OR2L13: variants seen among roughly 807,000 people sequenced by gnomAD.
The protein encoded by OR2L13 is olfactory receptor family 2 subfamily L member 13.
A neutral mutation model predicts 15.3 loss-of-function variants in OR2L13; 14 were observed. The observed-to-expected ratio is 0.91, with a 90% CI of 0.60 to 1.43. The LOEUF (loss-of-function observed/expected upper bound fraction) is 1.43, where lower values mean the gene tolerates loss of function less well. OR2L13 is among the 40% of genes most tolerant of loss of function. OR2L13 has a pLI of 0.00. For missense variants in OR2L13, 367 were observed against 387.9 expected (o/e 0.95, Z 0.45); for synonymous variants, 152 against 142.9 (o/e 1.06, Z -0.45).
At chr1:248,084,152 G>A in the OR2L13 span, 4 of 1,607,004 alleles carry the variant, frequency 2.5e-6, no homozygotes, top group Non-Finnish European at 3.4e-6. Flanking sequence ...CTGCACCCAG[G>A]AGCCAGGACG....
the OR2L13 span, among the ~76,000 whole-genome samples, chr1:248,001,925 A>C: frequency 1.3e-5 from 2 of 152,192 alleles, no homozygotes; most frequent in African/African-American, 4.8e-5. Context: ...CCTCTGTAAA[A>C]TACAAATGAT....
chr1:248,054,461 T>C, the OR2L13 span, among the ~76,000 whole-genome samples: 1 of 152,172 alleles, frequency 6.6e-6, no homozygotes, highest in African/African-American at 2.4e-5. Context: ...AATAGTTCTT[T>C]TTTTCTAATT....
the OR2L13 span, among the ~76,000 whole-genome samples, chr1:248,085,641 G>GA: frequency 1.3e-5 from 2 of 151,844 alleles, no homozygotes; most frequent in Non-Finnish European, 2.9e-5. Flanking sequence ...GAAAGCATGG[G>GA]AAAAAAAGAA....
chr1:248,023,072 T>C, the OR2L13 span: 3 of 538,752 alleles, frequency 5.6e-6, no homozygotes, highest in Admixed American at 3.7e-5. Flanking sequence ...TCTGTTTGTG[T>C]TTCTTTTTAT....
At chr1:248,061,217 A>T in the OR2L13 span, 2 of 1,611,564 alleles carry the variant, frequency 1.2e-6, no homozygotes, top group Non-Finnish European at 1.7e-6. Flanking sequence ...TTCTTCTGTG[A>T]TGTCCCAGCA....
the OR2L13 span, chr1:248,022,979 TCAAA>T: frequency 1.7e-6 from 2 of 1,147,816 alleles, no homozygotes; most frequent in Non-Finnish European, 2.5e-6. Context: ...GCCCAGTATG[TCAAA>T]CAGAGATTAA....
the OR2L13 span, among the ~76,000 whole-genome samples, chr1:247,988,551 A>G: frequency 6.6e-6 from 1 of 152,076 alleles, no homozygotes; most frequent in Non-Finnish European, 1.5e-5. Context: ...TGTTTAAGTG[A>G]GTGTACATCT....
chr1:247,974,917 A>G, the OR2L13 span: 1 of 266,144 alleles, frequency 3.8e-6, no homozygotes, highest in Non-Finnish European at 8.1e-6. Flanking sequence ...ACGCCCATTT[A>G]TTTCTTACTT....
upstream of OR2L13, among the ~76,000 whole-genome samples, chr1:248,092,657 A>G (rs534058404): frequency 6.6e-6 from 1 of 152,210 alleles, no homozygotes; most frequent in African/African-American, 2.4e-5. Context: ...GGTTAAACCA[A>G]AACTTTATTG....
the OR2L13 span, among the ~76,000 whole-genome samples, chr1:247,979,300 A>G: frequency 2.0e-5 from 3 of 152,082 alleles, no homozygotes; most frequent in Admixed American, 1.3e-4. Flanking sequence ...TCCTAATGCT[A>G]TCCCTCCCTC....
At chr1:247,949,209 G>T in the OR2L13 span, 3 of 1,614,136 alleles carry the variant, frequency 1.9e-6, no homozygotes, top group Non-Finnish European at 2.5e-6. Flanking sequence ...GGCATCTATG[G>T]CCTATGATCG....
At chr1:247,965,407 G>A in the OR2L13 span, 1 of 1,612,434 alleles carries the variant, frequency 6.2e-7, no homozygotes, top group Non-Finnish European at 8.5e-7. Flanking sequence ...TTTTGGGACA[G>A]ATTTTCTACT....
the OR2L13 span, among the ~76,000 whole-genome samples, chr1:247,981,641 G>A: frequency 6.6e-6 from 1 of 152,178 alleles, no homozygotes; most frequent in Non-Finnish European, 1.5e-5. Context: ...CAATGTGAAG[G>A]CTGTATTATT....
exon 3 of OR2L13, chr1:248,100,372 A>G (rs1664834192): frequency 1.0e-6 from 1 of 972,286 alleles, no homozygotes; most frequent in Non-Finnish European, 1.6e-6. Context: ...CCAACACGCT[A>G]GAGCAGGGTT....
upstream of OR2L13, chr1:248,095,239 T>G (rs748219063): frequency 1.8e-4 from 28 of 152,214 alleles, no homozygotes; most frequent in Non-Finnish European, 4.1e-4. Flanking sequence ...CCTTATTCTG[T>G]TCTCACTGAA....
chr1:247,945,085 T>C, the OR2L13 span, among the ~76,000 whole-genome samples: 3 of 152,182 alleles, frequency 2.0e-5, no homozygotes, highest in African/African-American at 7.2e-5. Context: ...TCCAGTTCTT[T>C]CAGTTGTGAT....
chr1:247,953,309 C>T, the OR2L13 span, among the ~76,000 whole-genome samples: 1 of 152,162 alleles, frequency 6.6e-6, no homozygotes, highest in Non-Finnish European at 1.5e-5. Flanking sequence ...TCGCACTTCA[C>T]AGTCATTCTT....
At chr1:248,090,701 G>A (rs1230241854), upstream of OR2L13, among the ~76,000 whole-genome samples, 2 of 152,198 alleles carry the variant, frequency 1.3e-5, no homozygotes, top group African/African-American at 2.4e-5. Context: ...GGGCATGTAG[G>A]TTGATTCCAT....
the OR2L13 span, among the ~76,000 whole-genome samples, chr1:247,962,546 A>AT: frequency 6.6e-6 from 1 of 152,214 alleles, no homozygotes; most frequent in Non-Finnish European, 1.5e-5. Context: ...GTTTATCCCT[A>AT]TTTGCCCTAT....
Sources: allele counts gnomAD v4.1 joint callset (sites outside exome capture counted in the v4.1 genomes callset), GRCh38; gene constraint gnomAD v4.1.1; transcripts MANE v1.5; gene names NCBI Gene and HGNC (gene_info 2026-07-23, HGNC 2026-07-21).